Variants in DOP1B observed in about 807,000 individuals in gnomAD.
DOP1B encodes DOP1 leucine zipper like protein B, also known as protein DOP1B.
DOP1B carries 174 observed loss-of-function variants against 233.5 expected under a neutral mutation model. That is an observed-to-expected ratio of 0.75 (90% CI 0.66 to 0.85). The LOEUF (loss-of-function observed/expected upper bound fraction) is 0.85, where lower values mean the gene tolerates loss of function less well. DOP1B is among the 40% of genes least tolerant of loss of function. DOP1B has a pLI of 0.00. For synonymous variants in DOP1B, 1,190 were observed against 1,185.6 expected (o/e 1.00, Z -0.08); for missense variants, 2,652 against 2,846.6 (o/e 0.93, Z 1.56).
chr21:36,272,307 C>T (rs2067297602), intron 27 of DOP1B, among the ~76,000 whole-genome samples: 1 of 151,748 alleles, frequency 6.6e-6, no homozygotes, highest in Admixed American at 6.6e-5. Flanking sequence ...GGTTAGCGGG[C>T]ATGGTGGCTC....
chr21:36,246,454 C>T lies in DOP1B; in HGVS notation c.4474C>T (p.Pro1492Ser), dbSNP rs773188131. Reference sequence around the variant, plus strand: ...CGCCCTGCAGTACGTGCAGCCCCACCCCCTCACCTCCCAGGGTCTTCTGGT... The same window carrying T: ...CGCCCTGCAGTACGTGCAGCCCCACTCCCTCACCTCCCAGGGTCTTCTGGT... Reference protein sequence around the residue: ...ISALQYVQPHPLTSQGLLVSA... With the variant: ...ISALQYVQPHSLTSQGLLVSA... The change falls in exon 19 of 37, where the codon CCC (proline) becomes TCC (serine). Residue 1492 changes from proline (P) to serine (S), a missense_variant. Physicochemically the swap from Pro to Ser is moderately conservative, Grantham distance 74. Around this residue, in one of 3 missense-constraint regions of DOP1B, gnomAD observed 2,617 missense variants for 2,794.3 expected, o/e 0.94. Transcript: ENST00000691173. This position sits in a 1 kb window ranked among gnomAD's most constrained non-coding sequence, Gnocchi z 5.1. 6.2e-6 allele frequency: 10 copies of T among 1,613,868 alleles called. No individual in the cohort carries two copies. In the East Asian group the frequency reaches 1.8e-4, roughly 29 times the overall value.
chr21:36,179,650 G>A (rs1163654349), intron 2 of DOP1B, among the ~76,000 whole-genome samples: 3 of 152,128 alleles, frequency 2.0e-5, no homozygotes, highest in Non-Finnish European at 4.4e-5. Flanking sequence ...AAGTAGACTG[G>A]TAGTTACTAA....
rs368302866 is a variant in DOP1B, at chr21:36,293,154, CA to C, written c.6646-164del. Among the ~76,000 whole-genome samples, 743 of 150,484 alleles carry C rather than the reference CA, an allele frequency of 4.9e-3. 7 individuals are homozygous for C. The highest frequency in any genetic ancestry group is 0.017 in the African/African-American group (696 of 40,894). ...CCGGGAGACAGAGGTTGCAGTGAGCCAAGATCACGCTGCTGCACTCCAGCCT... is the reference window on the plus strand; with the variant it reads ...CCGGGAGACAGAGGTTGCAGTGAGCCAGATCACGCTGCTGCACTCCAGCCT... On this transcript the variant is annotated intron_variant, in intron 36 of 36. Coordinates refer to ENST00000691173, the MANE Select transcript of DOP1B (RefSeq NM_001320714.2).
At chr21:36,248,316 C>A in intron 20 of DOP1B, 64 bp from the exon 21 acceptor site, 1 of 1,560,288 alleles carries the variant, frequency 6.4e-7, no homozygotes, top group Non-Finnish European at 8.7e-7. Flanking sequence ...GCACTGCTGC[C>A]CTCGTGGGAA....
chr21:36,157,529 C>T (rs906064917), intron 1 of DOP1B, among the ~76,000 whole-genome samples: 1 of 152,240 alleles, frequency 6.6e-6, no homozygotes, highest in Non-Finnish European at 1.5e-5. Flanking sequence ...GGACTGTTAC[C>T]CGCAGTGTTG....
intron 32 of DOP1B, among the ~76,000 whole-genome samples, chr21:36,287,531 AG>A (rs991312950): frequency 5.3e-5 from 8 of 151,564 alleles, no homozygotes; most frequent in Admixed American, 4.6e-4. Flanking sequence ...TATTTCACAA[AG>A]AAGAGGGCTG....
At chr21:36,193,342 G>T (rs779653977) in intron 2 of DOP1B, among the ~76,000 whole-genome samples, 2 of 152,246 alleles carry the variant, frequency 1.3e-5, no homozygotes, top group Non-Finnish European at 2.9e-5. Flanking sequence ...GACTGGATGC[G>T]GGCTGTGATG....
Position 36,293,824 on chromosome 21 carries a change from A to G in DOP1B, c.*253A>G. ...ATGGTGAGACCCTGTCTCTACTAAA[A>G]ATACAAAAATTAGCTGGGTGTGGTG... On this transcript the variant is annotated 3_prime_UTR_variant, in exon 37 of 37. Coordinates refer to ENST00000691173, the MANE Select transcript of DOP1B (RefSeq NM_001320714.2). The G allele has an allele frequency of 2.7e-6, 1 of 374,366 alleles. No homozygotes were observed. The highest frequency in any genetic ancestry group is 5.8e-5 in the East Asian group (1 of 17,168). The allele number at this position is 374,366 out of a possible 1,614,324, so 23.2% of individuals were successfully genotyped here. A position where few individuals can be genotyped will look rare whatever the true frequency, so the allele number is the denominator to read the frequency against.
chr21:36,174,279 G>C (rs13051243), intron 2 of DOP1B, among the ~76,000 whole-genome samples: 6,623 of 152,258 alleles, frequency 0.043, 196 homozygotes, highest in Non-Finnish European at 0.064. Flanking sequence ...CTTGAGGTCA[G>C]GAGTTTGAGA....
chr21:36,245,047 G>T lies in DOP1B; in HGVS notation c.3068-1G>T. 1 of 1,586,026 alleles carries T rather than the reference G, an allele frequency of 6.3e-7. No homozygotes were observed. Among genetic ancestry groups the T allele is most frequent in the South Asian group, 1.1e-5 (1 of 89,460 alleles). On this transcript the variant is annotated splice_acceptor_variant, in intron 18 of 36. Coordinates refer to ENST00000691173, the MANE Select transcript of DOP1B (RefSeq NM_001320714.2). LOFTEE classifies it high-confidence loss of function. The surrounding 1 kb of genome is among the most constrained non-coding windows in gnomAD (Gnocchi z 5.5). ...GTCATTTGTCATCTTGTAATTTTCAGATGACTTGCACCGTTGGTTTAACAG... is the reference window on the plus strand; with the variant it reads ...GTCATTTGTCATCTTGTAATTTTCATATGACTTGCACCGTTGGTTTAACAG...
At chr21:36,194,385 T>C (rs1432551345) in intron 2 of DOP1B, among the ~76,000 whole-genome samples, 2 of 152,128 alleles carry the variant, frequency 1.3e-5, no homozygotes, top group Non-Finnish European at 2.9e-5. Flanking sequence ...TTCACTGTTA[T>C]ATTAATTTTA....
At chr21:36,161,858 A>G (rs2065872307) in intron 1 of DOP1B, among the ~76,000 whole-genome samples, 1 of 152,182 alleles carries the variant, frequency 6.6e-6, no homozygotes, top group Middle Eastern at 3.4e-3. Context: ...GAATCATACA[A>G]TGTCTGGTCT....
intron 30 of DOP1B, among the ~76,000 whole-genome samples, chr21:36,279,387 C>T (rs1214809498): frequency 6.6e-6 from 1 of 152,162 alleles, no homozygotes; most frequent in Non-Finnish European, 1.5e-5. Flanking sequence ...CACTGCACTC[C>T]AGCCTGGGTG....
At chr21:36,218,813 A>T (rs1305045897) in intron 9 of DOP1B, among the ~76,000 whole-genome samples, 1 of 152,162 alleles carries the variant, frequency 6.6e-6, no homozygotes, top group Non-Finnish European at 1.5e-5. Flanking sequence ...AGCTTCTCTA[A>T]CATGCAGCTG....
intron 2 of DOP1B, among the ~76,000 whole-genome samples, chr21:36,171,314 C>T (rs13048938): frequency 0.043 from 6,596 of 152,210 alleles, 192 homozygotes; most frequent in Non-Finnish European, 0.064. Context: ...CCCATTTTAC[C>T]GATGAAGGCT....
At chr21:36,189,571 G>A (rs902485635) in intron 2 of DOP1B, among the ~76,000 whole-genome samples, 1 of 151,924 alleles carries the variant, frequency 6.6e-6, no homozygotes, top group East Asian at 2.0e-4. Context: ...GTAGCTGGGC[G>A]TGCTGGTGCA....
At chr21:36,162,775 C>A (rs1601369744) in intron 1 of DOP1B, among the ~76,000 whole-genome samples, 1 of 152,032 alleles carries the variant, frequency 6.6e-6, no homozygotes, top group Admixed American at 6.6e-5. Flanking sequence ...AAACATCTGA[C>A]CTCAAGTGAT....
chr21:36,270,063 C>CT lies in DOP1B; in HGVS notation c.5540dup (p.Leu1847PhefsTer25). 1 of 1,614,108 alleles carries CT rather than the reference C, an allele frequency of 6.2e-7. No homozygotes were observed. Among genetic ancestry groups the CT allele is most frequent in the Non-Finnish European group, 8.5e-7 (1 of 1,180,010 alleles). ...CTGTGGGGAACATTGCCGGCTCTTC[C>CT]TTGGAGCAAACCAGCTGGCTAAGCA... On this transcript the variant is annotated frameshift_variant, in exon 27 of 37. Transcript: ENST00000691173. LOFTEE classifies it high-confidence loss of function.
intron 27 of DOP1B, among the ~76,000 whole-genome samples, chr21:36,272,798 G>A (rs62232377): frequency 0.3 from 44,259 of 149,840 alleles, 6,903 homozygotes; most frequent in Middle Eastern, 0.37. Context: ...CAGCCTGACC[G>A]ACATGGAGAA....
Sources: gnomAD v4.1 joint callset for allele counts (sites outside exome capture counted in the v4.1 genomes callset) on GRCh38, gnomAD v4.1.1 for gene constraint, gnomAD v4.1.1 regional missense constraint, Gnocchi (gnomAD v3.1) non-coding constraint, MANE v1.5 for transcripts, NCBI Gene and HGNC (gene_info 2026-07-23, HGNC 2026-07-21) for gene names.